Variants in TBXA2R observed in about 807,000 individuals in gnomAD.
TBXA2R encodes the protein thromboxane A2 receptor, also known as prostanoid TP receptor.
A neutral mutation model predicts 15.6 loss-of-function variants in TBXA2R; 15 were observed. The observed-to-expected ratio is 0.96, with a 90% CI of 0.64 to 1.48. The LOEUF is 1.48. Among genes scored for constraint, TBXA2R ranks in the 40% most tolerant of loss-of-function variants. The pLI, the probability that TBXA2R is intolerant of heterozygous loss-of-function variation, is 0.00. For missense variants in TBXA2R, 506 were observed against 491.4 expected, an observed-to-expected ratio of 1.03 and a Z score of -0.28; for synonymous variants, 280 against 241.2, an observed-to-expected ratio of 1.16 and a Z score of -1.49.
rs551964598 is a variant in TBXA2R at position 3,604,074 on chromosome 19, G to T, written c.-84+2456C>A. ...CAGACGTTTGCCCTCAGCGGGTTCA[G>T]GGTTGTGGAATTCTAACACGCTTCC... On this transcript the variant is annotated intron_variant, in intron 1 of 2. Coordinates refer to ENST00000375190, the MANE Select transcript of TBXA2R (RefSeq NM_001060.6). 8.5e-5 allele frequency among the ~76,000 whole-genome samples: 13 copies of T among 152,308 alleles called. No homozygotes were observed. The South Asian group carries it at 2.7e-3, about 32-fold the overall frequency.
Position 3,594,644 on chromosome 19 carries a change from A to C in TBXA2R, c.*1044T>G, listed in dbSNP as rs201542011. ...ACCACCCATCAAGTGATTAGGAAACACTCAAGAAACAAGGTGGGGGAGGAA... is the reference window on the plus strand; with the variant it reads ...ACCACCCATCAAGTGATTAGGAAACCCTCAAGAAACAAGGTGGGGGAGGAA... On this transcript the variant is annotated 3_prime_UTR_variant, in exon 3 of 3. Coordinates refer to ENST00000375190, the MANE Select transcript of TBXA2R (RefSeq NM_001060.6). 2.2e-4 allele frequency: 114 copies of C among 509,720 alleles called. 2 individuals carry two copies. In the South Asian group the frequency reaches 2.7e-3, roughly 12 times the overall value. The allele number at this position is 509,720 out of a possible 1,614,324, so 31.6% of individuals were successfully genotyped here. A position where few individuals can be genotyped will look rare whatever the true frequency, so the allele number is the denominator to read the frequency against.
intron 2 of TBXA2R, among the ~76,000 whole-genome samples, chr19:3,598,350 CT>C (rs1177792648): frequency 0.077 from 4,357 of 56,522 alleles, 84 homozygotes; most frequent in African/African-American, 0.19. Context: ...CTTTTCTTTT[CT>C]TTTTTTTTTT....
rs1460450992 is a variant in TBXA2R, at chr19:3,595,913, C to T, written c.807G>A (p.Val269=). ...GGCTCATGGCAGGCGGGTTTCGCAG[C>T]ACTGTCTGGGCGATGAAGACCTGCA... The part of the protein sequence containing the change: ...LPLLVFIAQT[V]LRNPPAMSPA... The change falls in exon 3 of 3, where the codon GTG becomes GTA. Residue 269 remains valine, a synonymous_variant. Coordinates refer to ENST00000375190, the MANE Select transcript of TBXA2R (RefSeq NM_001060.6). 6.3e-7 allele frequency: 1 copy of T among 1,598,988 alleles called. No individual in the cohort carries two copies. The highest frequency in any genetic ancestry group is 8.5e-7 in the Non-Finnish European group (1 of 1,173,800).
intron 2 of TBXA2R, among the ~76,000 whole-genome samples, 163 bp downstream of exon 2, chr19:3,599,686 C>T (rs905824588): frequency 3.3e-5 from 5 of 152,202 alleles, no homozygotes; most frequent in African/African-American, 9.6e-5. Context: ...AGGCTGGTCT[C>T]GGACTCCTGG....
intron 1 of TBXA2R, among the ~76,000 whole-genome samples, chr19:3,603,542 T>G (rs892885729): frequency 5.8e-4 from 88 of 152,202 alleles, no homozygotes; most frequent in African/African-American, 2.0e-3. Flanking sequence ...TTCTGGACAT[T>G]CCTTGGGACT....
chr19:3,605,885 G>A (rs910019995), intron 1 of TBXA2R, among the ~76,000 whole-genome samples: 1 of 143,102 alleles, frequency 7.0e-6, no homozygotes, highest in Admixed American at 6.9e-5. Flanking sequence ...GACACATACA[G>A]GCAGAAACAC....
rs200164976 is a variant in TBXA2R at position 3,600,439 on chromosome 19, A to G, written c.196T>C (p.Phe66Leu). 1.9e-4 allele frequency: 303 copies of G among 1,613,056 alleles called. No individual in the cohort carries two copies. Among genetic ancestry groups the G allele is most frequent in the Non-Finnish European group, 1.6e-4 (194 of 1,179,700 alleles). ...TCGGTGAGGACGAGGCCGCAGAGGA[A>G]GGTGAGGAAGGAGGAGCGCGTGTGC... Reference protein sequence around the residue: ...GSHTRSSFLTFLCGLVLTDFL... With the variant: ...GSHTRSSFLTLLCGLVLTDFL... The change falls in exon 2 of 3, where the codon TTC becomes CTC. Residue 66 changes from phenylalanine (F) to leucine (L), a missense_variant. Phe to Leu is a conservative substitution (Grantham distance 22). Coordinates refer to ENST00000375190, the MANE Select transcript of TBXA2R (RefSeq NM_001060.6).
chr19:3,594,849 G>C lies in TBXA2R; in HGVS notation c.*839C>G, dbSNP rs200663598. ...CCCCGTTCACATTCAATCCTTTCTG[G>C]ACAGAGCCTTCCCTGTTGGAGGTTC... is the stretch of plus-strand genomic sequence containing the variant. On this transcript the variant is annotated 3_prime_UTR_variant, in exon 3 of 3. Coordinates refer to ENST00000375190, the MANE Select transcript of TBXA2R (RefSeq NM_001060.6). 5 of 1,536,672 alleles carry C rather than the reference G, an allele frequency of 3.3e-6. No individual in the cohort carries two copies. Among genetic ancestry groups the C allele is most frequent in the Non-Finnish European group, 3.5e-6 (4 of 1,146,744 alleles).
chr19:3,595,847 G>GAGC lies in TBXA2R; in HGVS notation c.870_872dup (p.Leu291dup), dbSNP rs1468625292. 1 of 1,611,524 alleles carries GAGC rather than the reference G, an allele frequency of 6.2e-7. No individual in the cohort carries two copies. The highest frequency in any genetic ancestry group is 8.5e-7 in the Non-Finnish European group (1 of 1,179,276). The stretch of plus-strand genomic sequence containing the variant: ...TCCAGGTGGCCACGCGCAAGTAGAT[G>GAGC]AGCAGCTCCTTCTCCGTGGTGCGGG... On this transcript the variant is annotated inframe_insertion, in exon 3 of 3. Coordinates refer to ENST00000375190, the MANE Select transcript of TBXA2R (RefSeq NM_001060.6).
chr19:3,600,485 C>CGCCAGCACGCTCAGG lies in TBXA2R; in HGVS notation c.135_149dup (p.Leu46_Ala50dup). 1 of 1,612,830 alleles carries CGCCAGCACGCTCAGG rather than the reference C, an allele frequency of 6.2e-7. No homozygotes were observed. The highest frequency in any genetic ancestry group is 8.5e-7 in the Non-Finnish European group (1 of 1,179,630). On this transcript the variant is annotated inframe_insertion, in exon 2 of 3. Coordinates refer to ENST00000375190, the MANE Select transcript of TBXA2R (RefSeq NM_001060.6). Reference sequence around the variant, plus strand: ...TGTGCGAACCCCCCTGCCGCGCGCCCGCCAGCACGCTCAGGGCCAGCAGGT... The same window carrying CGCCAGCACGCTCAGG: ...TGTGCGAACCCCCCTGCCGCGCGCCCGCCAGCACGCTCAGGGCCAGCACGCTCAGGGCCAGCAGGT...
intron 1 of TBXA2R, among the ~76,000 whole-genome samples, chr19:3,601,460 G>A (rs2032737125): frequency 6.6e-6 from 1 of 151,798 alleles, no homozygotes; most frequent in Non-Finnish European, 1.5e-5. Flanking sequence ...CAGATGTTGA[G>A]GCTGCAGTGA....
intron 1 of TBXA2R, among the ~76,000 whole-genome samples, chr19:3,602,169 T>C (rs1053813601): frequency 1.3e-5 from 2 of 151,490 alleles, no homozygotes; most frequent in African/African-American, 2.4e-5. Flanking sequence ...TGCAGTGAGC[T>C]GAGATCGTGC....
At chr19:3,602,467 T>C (rs56043676) in intron 1 of TBXA2R, among the ~76,000 whole-genome samples, 37,124 of 151,980 alleles carry the variant, frequency 0.24, 5,824 homozygotes, top group African/African-American at 0.45. Context: ...TCAGGCGTGG[T>C]GGCTCACGCC....
Position 3,600,090 on chromosome 19 carries a change from C to G in TBXA2R, c.545G>C (p.Trp182Ser), listed in dbSNP as rs1199270492. ...CTCGGCGCCCAGCGTCAGGAAGCAC[C>G]AGGACCCCGGGTATTGCACGGTGTA... ...GRYTVQYPGS[W>S]CFLTLGAESG... is the part of the protein sequence containing the mutation. Residue 182 changes from tryptophan (W) to serine (S), a missense_variant, in exon 2 of 3, where the codon TGG (tryptophan) becomes TCG (serine). By Grantham distance (177) the Trp-to-Ser change is radical. Coordinates refer to ENST00000375190, the MANE Select transcript of TBXA2R (RefSeq NM_001060.6). 1 of 1,612,406 alleles carries G rather than the reference C, an allele frequency of 6.2e-7. No homozygotes were observed. Among genetic ancestry groups the G allele is most frequent in the African/African-American group, 1.3e-5 (1 of 75,052 alleles).
chr19:3,597,009 G>A (rs938947883), intron 2 of TBXA2R, among the ~76,000 whole-genome samples: 3 of 141,262 alleles, frequency 2.1e-5, no homozygotes, highest in African/African-American at 5.3e-5. Context: ...GCAGGTTCTC[G>A]GCTTACCACA....
chr19:3,600,758 T>C, intron 1 of TBXA2R, 41 bp from the exon 2 acceptor site: 3 of 1,143,158 alleles, frequency 2.6e-6, no homozygotes, highest in East Asian at 5.2e-5. Flanking sequence ...TAATTCTGCA[T>C]TTCAGTGTAA....
rs1402241857 is a variant in TBXA2R, at chr19:3,599,888, C to T, written c.747G>A (p.Gly249=). The T allele has an allele frequency of 6.5e-7, 1 of 1,549,186 alleles. No individual in the cohort carries two copies. The highest frequency in any genetic ancestry group is 8.7e-7 in the Non-Finnish European group (1 of 1,147,024). Residue 249 remains glycine (G), a synonymous_variant, in exon 2 of 3, where the codon GGG becomes GGA. Transcript: ENST00000375190. ...AACACACGCTGGCCACCACCATGAT[C>T]CCCAGGAGCTGAGCCATCATCTCCA... ...SEVEMMAQLL[G]IMVVASVCWL... is the part of the protein sequence containing the mutation.
At chr19:3,604,487 C>G (rs928905112) in intron 1 of TBXA2R, among the ~76,000 whole-genome samples, 3 of 152,150 alleles carry the variant, frequency 2.0e-5, no homozygotes, top group Non-Finnish European at 2.9e-5. Flanking sequence ...CCCCCTCCCC[C>G]ACTCCCTGGA....
rs776724393 is a variant in TBXA2R, at chr19:3,594,884, C to A, written c.*804G>T. On this transcript the variant is annotated 3_prime_UTR_variant, in exon 3 of 3. Coordinates refer to ENST00000375190, the MANE Select transcript of TBXA2R (RefSeq NM_001060.6). ...TCCCTGTTGGAGGTTCAAAAGGAAG[C>A]AACTGTACCCCAGCAAGTAGGTCAA... 5 of 1,536,788 alleles carry A rather than the reference C, an allele frequency of 3.3e-6. No homozygotes were observed. In the African/African-American group the frequency reaches 4.1e-5, roughly 13 times the overall value.
Sources: allele counts gnomAD v4.1 joint callset (sites outside exome capture counted in the v4.1 genomes callset), GRCh38; gene constraint gnomAD v4.1.1; transcripts MANE v1.5; gene names NCBI Gene and HGNC (gene_info 2026-07-23, HGNC 2026-07-21).